The following CREBRF variants were observed in gnomAD, a reference collection of about 807,000 sequenced individuals.
CREBRF encodes the protein UPF0474 protein C5orf41.
A neutral mutation model predicts 66.1 loss-of-function variants in CREBRF; 5 were observed. The observed-to-expected ratio is 0.08, with a 90% CI of 0.04 to 0.16. The LOEUF (loss-of-function observed/expected upper bound fraction) is 0.16, where lower values mean the gene tolerates loss of function less well. Ranked by LOEUF, CREBRF falls within the 10% of genes least tolerant of loss-of-function variation. The pLI, the probability that CREBRF is intolerant of heterozygous loss-of-function variation, is 1.00. For missense variants in CREBRF, 531 were observed against 744.9 expected, an observed-to-expected ratio of 0.71 and a Z score of 3.34; for synonymous variants, 229 against 264.4, an observed-to-expected ratio of 0.87 and a Z score of 1.30.
intron 5 of CREBRF, chr5:173,109,573 A>G (rs1356316738): frequency 6.6e-6 from 1 of 152,184 alleles, no homozygotes; most frequent in Non-Finnish European, 1.5e-5. Context: ...CACAAATGTT[A>G]TTTTTAAATT....
chr5:173,113,244 C>T (rs1291700211), intron 7 of CREBRF, among the ~76,000 whole-genome samples: 1 of 152,098 alleles, frequency 6.6e-6, no homozygotes, highest in Admixed American at 6.6e-5. Flanking sequence ...ATCTGCCCAC[C>T]TCAACCTCCC....
chr5:173,087,239 G>A (rs1419429667), intron 3 of CREBRF, among the ~76,000 whole-genome samples: 2 of 151,760 alleles, frequency 1.3e-5, no homozygotes, highest in East Asian at 2.0e-4. Flanking sequence ...GAGTCACTGC[G>A]CCCAGCCTAA....
At chr5:173,057,187 A>G (rs1757088638) in intron 1 of CREBRF, among the ~76,000 whole-genome samples, 1 of 151,704 alleles carries the variant, frequency 6.6e-6, no homozygotes, top group South Asian at 2.1e-4. Context: ...CTGGCGTCCA[A>G]TGGAGCGGGC....
rs189500153 is a variant in CREBRF, at chr5:173,126,243, C to T, written c.1804+3041C>T. Among the ~76,000 whole-genome samples, 636 of 152,158 alleles carry T rather than the reference C, an allele frequency of 4.2e-3. 5 individuals are homozygous for T. Among genetic ancestry groups the T allele is most frequent in the Middle Eastern group, 6.8e-3 (2 of 294 alleles). On this transcript the variant is annotated intron_variant, in intron 8 of 8. Coordinates refer to ENST00000296953, the MANE Select transcript of CREBRF (RefSeq NM_153607.3). Reference sequence around the variant, plus strand: ...GCAGCCTCTGCCTCCCAGGTTCAAGCGATTTTCCTGCCTCAGCCTCCCCAG... The same window carrying T: ...GCAGCCTCTGCCTCCCAGGTTCAAGTGATTTTCCTGCCTCAGCCTCCCCAG...
At chr5:173,070,932 C>G (rs932285057) in intron 1 of CREBRF, among the ~76,000 whole-genome samples, 4 of 151,996 alleles carry the variant, frequency 2.6e-5, no homozygotes, top group Admixed American at 2.6e-4. Flanking sequence ...GATGACTGCT[C>G]GGAAGGGCAT....
intron 1 of CREBRF, among the ~76,000 whole-genome samples, chr5:173,070,578 AAATTT>A (rs1757568275): frequency 6.6e-6 from 1 of 152,132 alleles, no homozygotes; most frequent in Admixed American, 6.6e-5. Context: ...GATTTAAATT[AAATTT>A]AATTCTACTT....
At chr5:173,116,141 C>G (rs1017094792) in intron 7 of CREBRF, among the ~76,000 whole-genome samples, 2 of 152,178 alleles carry the variant, frequency 1.3e-5, no homozygotes, top group Admixed American at 1.3e-4. Flanking sequence ...ACAAAAACCT[C>G]AAATCACCAA....
In CREBRF at chr5:173,116,675, G is replaced by C. The variant is rs181456073; in HGVS notation, c.1681+4296G>C. Among the ~76,000 whole-genome samples the C allele has an allele frequency of 2.6e-3, 398 of 151,366 alleles. 2 individuals carry two copies. Among genetic ancestry groups the C allele is most frequent in the African/African-American group, 9.1e-3 (376 of 41,456 alleles). On this transcript the variant is annotated intron_variant, in intron 7 of 8. Transcript: ENST00000296953. ...GTTTCAAGTTTTTGGCTATAACCAC[G>C]GGGCTATGAGTATTTGTGTACAAGT...
chr5:173,073,840 G>A (rs1007343955), intron 1 of CREBRF, among the ~76,000 whole-genome samples: 1 of 152,122 alleles, frequency 6.6e-6, no homozygotes, highest in South Asian at 2.1e-4. Flanking sequence ...GGTGGTGGGC[G>A]CCTGTAGTCC....
At chr5:173,106,807 T>A (rs1758761673) in intron 4 of CREBRF, among the ~76,000 whole-genome samples, 1 of 152,136 alleles carries the variant, frequency 6.6e-6, no homozygotes, top group South Asian at 2.1e-4. Context: ...TGTGGTGCAA[T>A]GGCACGCTCT....
chr5:173,082,293 G>A (rs1356769791), intron 2 of CREBRF, among the ~76,000 whole-genome samples: 2 of 152,030 alleles, frequency 1.3e-5, no homozygotes, highest in African/African-American at 4.8e-5. Flanking sequence ...GATTACAGGC[G>A]TGAGCCACCG....
chr5:173,097,925 GTTC>G (rs1158760687), intron 4 of CREBRF, among the ~76,000 whole-genome samples: 3 of 150,488 alleles, frequency 2.0e-5, no homozygotes, highest in South Asian at 4.2e-4. Flanking sequence ...CTTTGGGTTA[GTTC>G]TTCTTTTTCT....
chr5:173,092,275 T>G (rs759776610), intron 4 of CREBRF: 1 of 980,814 alleles, frequency 1.0e-6, no homozygotes, highest in Non-Finnish European at 1.2e-6. Flanking sequence ...ACATTTTAAT[T>G]TACATCGTAT....
At chr5:173,105,535 A>T (rs1758728287) in intron 4 of CREBRF, among the ~76,000 whole-genome samples, 1 of 151,870 alleles carries the variant, frequency 6.6e-6, no homozygotes, top group Admixed American at 6.6e-5. Flanking sequence ...CAGTGGTATG[A>T]TCTCGTCTCA....
intron 4 of CREBRF, among the ~76,000 whole-genome samples, chr5:173,102,231 G>T (rs1419709874): frequency 1.3e-5 from 2 of 152,196 alleles, no homozygotes; most frequent in African/African-American, 4.8e-5. Flanking sequence ...TTTTGGATCA[G>T]TTGCTGGTGC....
At chr5:173,097,028 C>T (rs1314719324) in intron 4 of CREBRF, among the ~76,000 whole-genome samples, 3 of 152,070 alleles carry the variant, frequency 2.0e-5, no homozygotes, top group Non-Finnish European at 2.9e-5. Flanking sequence ...AGGATTTTTG[C>T]ATCCATGTCC....
At chr5:173,082,908 CAAAAAAAAAAAAAAAAAAAAAAAAA>C (rs70984937) in intron 2 of CREBRF, among the ~76,000 whole-genome samples, 4 of 28,984 alleles carry the variant, frequency 1.4e-4, no homozygotes, top group African/African-American at 2.4e-4. Context: ...GACTCTGTCT[CAAAAAAAAAAAAAAAAAAAAAAAAA>C]AAAAAAAAAA....
intron 1 of CREBRF, among the ~76,000 whole-genome samples, chr5:173,058,455 A>C (rs1469525915): frequency 6.6e-6 from 1 of 152,178 alleles, no homozygotes; most frequent in Non-Finnish European, 1.5e-5. Flanking sequence ...TTGGAGAAAA[A>C]GAATAATTGG....
In CREBRF at chr5:173,135,858, A is replaced by G. The variant is rs1351740161; in HGVS notation, c.*2113A>G. 6.6e-6 allele frequency: 1 copy of G among 152,484 alleles called. No individual in the cohort carries two copies. The highest frequency in any genetic ancestry group is 2.4e-5 in the African/African-American group (1 of 41,464). 9.4% of individuals were successfully genotyped at this position (152,484 alleles called of 1,614,324 possible). ...TACCACCTTAGCTGAACTGTGATGC[A>G]CAAGATTTTTCTATGTGTTTGGTGG... On this transcript the variant is annotated 3_prime_UTR_variant, in exon 9 of 9. Coordinates refer to ENST00000296953, the MANE Select transcript of CREBRF (RefSeq NM_153607.3).
Sources: gnomAD v4.1 joint callset for allele counts (sites outside exome capture counted in the v4.1 genomes callset) on GRCh38, gnomAD v4.1.1 for gene constraint, MANE v1.5 for transcripts, NCBI Gene and HGNC (gene_info 2026-07-23, HGNC 2026-07-21) for gene names.